Variants in STON2 observed in about 807,000 individuals in gnomAD.
The protein encoded by STON2 is stonin 2.
In STON2, 29 loss-of-function variants were observed where a neutral mutation model predicts 65.7. That is an observed-to-expected ratio of 0.44 (90% CI 0.33 to 0.60). The LOEUF is 0.60. STON2 is among the 20% of genes least tolerant of loss of function. The pLI, the probability that STON2 is intolerant of heterozygous loss-of-function variation, is 0.03. For missense variants in STON2, 1,054 were observed against 1,118.1 expected (o/e 0.94, Z 0.82); for synonymous variants, 404 against 414.2 (o/e 0.98, Z 0.30).
intron 4 of STON2, among the ~76,000 whole-genome samples, chr14:81,330,509 A>G (rs973802953): frequency 2.0e-4 from 30 of 152,138 alleles, no homozygotes; most frequent in African/African-American, 7.0e-4. Context: ...TTCTGATCTA[A>G]TATTTTTAAA....
chr14:81,287,315 T>TA (rs1235130205), intron 5 of STON2, among the ~76,000 whole-genome samples: 1 of 152,214 alleles, frequency 6.6e-6, no homozygotes, highest in African/African-American at 2.4e-5. Context: ...CGCCAGAGGA[T>TA]AAGTGTATTC....
chr14:81,313,663 C>T (rs7160788), intron 5 of STON2, among the ~76,000 whole-genome samples: 119,407 of 151,652 alleles, frequency 0.79, 47,152 homozygotes, highest in African/African-American at 0.8. Context: ...GGTATGGTGA[C>T]GGGTGCCTAT....
At chr14:81,350,149 T>A (rs1396105088) in intron 4 of STON2, among the ~76,000 whole-genome samples, 1 of 152,182 alleles carries the variant, frequency 6.6e-6, no homozygotes, top group South Asian at 2.1e-4. Context: ...TTTGGTAAGA[T>A]GACTATAGTT....
chr14:81,434,342 T>C (rs1902328666), intron 1 of STON2, among the ~76,000 whole-genome samples: 1 of 152,148 alleles, frequency 6.6e-6, no homozygotes, highest in African/African-American at 2.4e-5. Flanking sequence ...ACATCTCTCT[T>C]ACTACCCCCA....
chr14:81,361,474 C>T (rs924210884), intron 4 of STON2, among the ~76,000 whole-genome samples: 1 of 152,016 alleles, frequency 6.6e-6, no homozygotes, highest in African/African-American at 2.4e-5. Context: ...AGACCCTTAT[C>T]TCACACCATA....
intron 4 of STON2, among the ~76,000 whole-genome samples, chr14:81,352,826 A>G (rs1898076823): frequency 6.6e-6 from 1 of 152,198 alleles, no homozygotes; most frequent in African/African-American, 2.4e-5. Context: ...GTTTTTTATT[A>G]AGAGCTTCCA....
rs115132991 is a variant in STON2 at position 81,434,124 on chromosome 14, G to A, written c.-310+2197C>T. The stretch of plus-strand genomic sequence containing the variant: ...AACCACATCCCTGGAACTGTGCCAC[G>A]GCGCCTCCATTCATTAGTACTATCC... On this transcript the variant is annotated intron_variant, in intron 1 of 8. Transcript: ENST00000553821. Among the ~76,000 whole-genome samples the A allele has an allele frequency of 6.7e-3, 1,020 of 152,200 alleles. 9 individuals are homozygous for A. The highest frequency in any genetic ancestry group is 0.023 in the African/African-American group (955 of 41,516).
chr14:81,342,513 C>A (rs914829742), intron 4 of STON2, among the ~76,000 whole-genome samples: 4 of 152,178 alleles, frequency 2.6e-5, no homozygotes, highest in African/African-American at 7.2e-5. Flanking sequence ...TAGCCCCTGG[C>A]CTGAGGCCTG....
intron 2 of STON2, among the ~76,000 whole-genome samples, chr14:81,416,489 T>C (rs904283247): frequency 6.6e-6 from 1 of 152,096 alleles, no homozygotes; most frequent in Non-Finnish European, 1.5e-5. Context: ...TGAGAGAAGG[T>C]ACCGGAGGCA....
At chr14:81,289,273 A>G (rs1213130827) in intron 5 of STON2, among the ~76,000 whole-genome samples, 1 of 152,196 alleles carries the variant, frequency 6.6e-6, no homozygotes, top group East Asian at 1.9e-4. Flanking sequence ...TGGGTGAGCA[A>G]GTAAGATCAG....
intron 5 of STON2, among the ~76,000 whole-genome samples, chr14:81,314,932 A>T (rs1896564151): frequency 2.0e-5 from 3 of 151,882 alleles, no homozygotes; most frequent in African/African-American, 7.2e-5. Flanking sequence ...GCAGCCTTGA[A>T]CTCTTGGGCT....
At position 81,263,398 on chromosome 14, in the gene STON2, C is replaced by T. The variant is rs1308106565; in HGVS notation, c.*5016G>A. 6.6e-6 allele frequency among the ~76,000 whole-genome samples: 1 copy of T among 151,836 alleles called. No individual in the cohort carries two copies. The highest frequency in any genetic ancestry group is 1.5e-5 in the Non-Finnish European group (1 of 67,960). Reference sequence around the variant, plus strand: ...ACTAAAAATACAAAAATTAGTCAGGCGTGGTGGCACATGCCTGTAGTCCCA... The same window carrying T: ...ACTAAAAATACAAAAATTAGTCAGGTGTGGTGGCACATGCCTGTAGTCCCA... On this transcript the variant is annotated 3_prime_UTR_variant, in exon 8 of 8. Transcript: ENST00000614646.
At chr14:81,333,936 C>T (rs925353972) in intron 4 of STON2, among the ~76,000 whole-genome samples, 2 of 152,196 alleles carry the variant, frequency 1.3e-5, no homozygotes, top group Non-Finnish European at 2.9e-5. Flanking sequence ...CTGAAACCGC[C>T]TCCATTTCTT....
intron 6 of STON2, among the ~76,000 whole-genome samples, chr14:81,271,790 A>G (rs1894605139): frequency 6.6e-6 from 1 of 152,214 alleles, no homozygotes; most frequent in South Asian, 2.1e-4. Context: ...CCATACAGGA[A>G]ACATTGAAGT....
In STON2 at chr14:81,362,494, T is replaced by C. The variant is rs1383896861; in HGVS notation, c.571+8494A>G. The stretch of plus-strand genomic sequence containing the variant: ...CCAGAGCCTAGGGAGATGCAGGGAA[T>C]GGGTAGATGTTGGTTAAAGGGTACA... On this transcript the variant is annotated intron_variant, in intron 4 of 7. Transcript: ENST00000614646. Among the ~76,000 whole-genome samples, 3 of 152,200 alleles carry C rather than the reference T, an allele frequency of 2.0e-5. No homozygotes were observed. In the East Asian group the frequency reaches 5.8e-4, roughly 29 times the overall value.
At chr14:81,343,353 T>C (rs113284040) in intron 4 of STON2, among the ~76,000 whole-genome samples, 1 of 152,146 alleles carries the variant, frequency 6.6e-6, no homozygotes, top group South Asian at 2.1e-4. Flanking sequence ...GGCAACCAAT[T>C]TGTACAAACA....
chr14:81,372,061 C>A (rs1899022051), intron 3 of STON2, among the ~76,000 whole-genome samples: 1 of 152,164 alleles, frequency 6.6e-6, no homozygotes, highest in Non-Finnish European at 1.5e-5. Context: ...CAACCTGCTG[C>A]AATACAATGA....
intron 2 of STON2, among the ~76,000 whole-genome samples, chr14:81,407,543 C>T (rs4110460): frequency 0.21 from 31,394 of 152,046 alleles, 4,405 homozygotes; most frequent in East Asian, 0.45. Context: ...AGCTAGGTAG[C>T]GTCTATGAAA....
At chr14:81,347,034 G>C (rs187324698) in intron 4 of STON2, among the ~76,000 whole-genome samples, 87 of 151,892 alleles carry the variant, frequency 5.7e-4, no homozygotes, top group African/African-American at 2.0e-3. Flanking sequence ...ACTCAAAATT[G>C]GGTGAAGGAA....
Sources: allele counts gnomAD v4.1 joint callset (sites outside exome capture counted in the v4.1 genomes callset), GRCh38; gene constraint gnomAD v4.1.1; transcripts MANE v1.5; gene names NCBI Gene and HGNC (gene_info 2026-07-23, HGNC 2026-07-21).